Variants in ARID4B observed in about 807,000 individuals in gnomAD.
The protein encoded by ARID4B is AT-rich interactive domain-containing protein 4B.
Under a neutral mutation model 147.5 loss-of-function variants are expected in ARID4B, and 26 were observed. That is an observed-to-expected ratio of 0.18 (90% CI 0.13 to 0.24). The LOEUF (loss-of-function observed/expected upper bound fraction) is 0.24. Ranked by LOEUF, ARID4B falls within the 10% of genes least tolerant of loss-of-function variation. The probability of loss-of-function intolerance (pLI) is 1.00; values close to 1 mark genes in which losing one functional copy is unlikely to be tolerated. For missense variants in ARID4B, 1,179 were observed against 1,511.5 expected (o/e 0.78, Z 3.65); for synonymous variants, 512 against 507.9 (o/e 1.01, Z -0.11).
At chr1:235,254,717 T>C (rs1355741143) in intron 5 of ARID4B, among the ~76,000 whole-genome samples, 4 of 151,218 alleles carry the variant, frequency 2.6e-5, no homozygotes, top group Non-Finnish European at 4.4e-5. Context: ...CCAAAACTAA[T>C]AAGAAAAAGA....
intron 12 of ARID4B, among the ~76,000 whole-genome samples, chr1:235,223,677 A>G (rs1222932235): frequency 8.3e-6 from 1 of 120,802 alleles, no homozygotes; most frequent in African/African-American, 2.9e-5. Context: ...ATTCTATAGT[A>G]AAGCTACATT....
chr1:235,279,422 T>C (rs894730274), intron 2 of ARID4B, among the ~76,000 whole-genome samples: 2 of 152,084 alleles, frequency 1.3e-5, no homozygotes, highest in Non-Finnish European at 2.9e-5. Context: ...ATAGTGATAA[T>C]GAAAACAATG....
chr1:235,325,510 T>C (rs1572250130), intron 2 of ARID4B, among the ~76,000 whole-genome samples: 1 of 152,354 alleles, frequency 6.6e-6, no homozygotes, highest in South Asian at 2.1e-4. Context: ...ACATTACATT[T>C]ACTCCAAACT....
chr1:235,284,253 G>A (rs542232245), intron 2 of ARID4B, among the ~76,000 whole-genome samples: 5 of 152,232 alleles, frequency 3.3e-5, no homozygotes, highest in East Asian at 3.9e-4. Flanking sequence ...TCAGCTATTC[G>A]GGAGGCTGAG....
intron 2 of ARID4B, among the ~76,000 whole-genome samples, chr1:235,309,745 G>A (rs1484264616): frequency 6.6e-6 from 1 of 152,104 alleles, no homozygotes; most frequent in Non-Finnish European, 1.5e-5. Flanking sequence ...GGGAAAGGTG[G>A]GGAAAAGATT....
chr1:235,307,107 G>C (rs548160936), intron 2 of ARID4B, among the ~76,000 whole-genome samples: 1 of 152,284 alleles, frequency 6.6e-6, no homozygotes, highest in South Asian at 2.1e-4. Context: ...TATAATGGGG[G>C]AAGGGGGAAT....
intron 2 of ARID4B, among the ~76,000 whole-genome samples, chr1:235,261,017 C>G (rs1321674058): frequency 6.6e-6 from 1 of 152,148 alleles, no homozygotes; most frequent in Admixed American, 6.5e-5. Flanking sequence ...TTAGCTCACT[C>G]ACAAGTATAC....
At chr1:235,223,685 A>ATTTTT (rs58659735) in intron 12 of ARID4B, among the ~76,000 whole-genome samples, 2 of 134,662 alleles carry the variant, frequency 1.5e-5, no homozygotes, top group Admixed American at 7.9e-5. Flanking sequence ...GTAAAGCTAC[A>ATTTTT]TTTTTTTTTT....
intron 8 of ARID4B, among the ~76,000 whole-genome samples, chr1:235,235,969 C>T (rs1432285440): frequency 6.8e-6 from 1 of 147,600 alleles, no homozygotes; most frequent in African/African-American, 2.5e-5. Context: ...GAGACAAGGT[C>T]TCACTCTGTG....
At chr1:235,230,494 G>A (rs1353653939) in intron 10 of ARID4B, among the ~76,000 whole-genome samples, 1 of 143,448 alleles carries the variant, frequency 7.0e-6, no homozygotes, top group Non-Finnish European at 1.5e-5. Context: ...ACCATTCCCA[G>A]AAACTAATAT....
chr1:235,177,666 G>T, intron 21 of ARID4B, 134 bp downstream of exon 21: 3 of 525,612 alleles, frequency 5.7e-6, no homozygotes, highest in South Asian at 3.5e-5. Context: ...TACAGAATTT[G>T]TGTGACTTTT....
At chr1:235,229,959 A>G (rs1433366105) in intron 10 of ARID4B, among the ~76,000 whole-genome samples, 2 of 152,240 alleles carry the variant, frequency 1.3e-5, no homozygotes, top group African/African-American at 4.8e-5. Context: ...CAATCTACAT[A>G]GCATATTACT....
At chr1:235,309,945 A>G (rs2103273477) in intron 2 of ARID4B, among the ~76,000 whole-genome samples, 1 of 152,280 alleles carries the variant, frequency 6.6e-6, no homozygotes, top group East Asian at 1.9e-4. Context: ...AGGGAGGTGC[A>G]AGATGTGCTT....
intron 2 of ARID4B, among the ~76,000 whole-genome samples, chr1:235,323,652 T>G (rs1675008976): frequency 6.6e-6 from 1 of 151,718 alleles, no homozygotes; most frequent in African/African-American, 2.4e-5. Flanking sequence ...GGCATGATGG[T>G]GCATGCCTAT....
At position 235,257,375 on chromosome 1, in the gene ARID4B, AAATT is replaced by A. The variant is rs1460285993; in HGVS notation, c.118-154_118-151del. The A allele has an allele frequency of 2.0e-5, 11 of 560,652 alleles. No homozygotes were observed. The East Asian group carries it at 2.0e-4, about 10-fold the overall frequency. The allele number at this position is 560,652 out of a possible 1,614,324, so 34.7% of individuals were successfully genotyped here. On this transcript the variant is annotated intron_variant, in intron 3 of 23. Coordinates refer to ENST00000264183, the MANE Select transcript of ARID4B (RefSeq NM_016374.6). ...CCAATCCCTAAGTAGATTAACTAAA[AAATT>A]ATTTACAGACAACTGCTCAGACCGT...
intron 2 of ARID4B, among the ~76,000 whole-genome samples, chr1:235,286,161 A>G (rs1003351876): frequency 2.6e-5 from 4 of 152,086 alleles, no homozygotes; most frequent in South Asian, 2.1e-4. Flanking sequence ...CAGCCTCCCA[A>G]GTAGCTAGAA....
intron 2 of ARID4B, among the ~76,000 whole-genome samples, chr1:235,311,934 C>A (rs1012047834): frequency 5.9e-5 from 9 of 152,072 alleles, no homozygotes; most frequent in Non-Finnish European, 1.0e-4. Flanking sequence ...TAAAATCTTA[C>A]TAAAGCCATC....
At position 235,221,427 on chromosome 1, in the gene ARID4B, A is replaced by G; in HGVS notation, c.1163+138T>C. On this transcript the variant is annotated intron_variant, in intron 14 of 23. Transcript: ENST00000264183. ...AGTATCATAGAATACACTTTAGAAAATACTATCATAGAATGACTACTCTAG... is the reference window on the plus strand; with the variant it reads ...AGTATCATAGAATACACTTTAGAAAGTACTATCATAGAATGACTACTCTAG... 6 of 529,838 alleles carry G rather than the reference A, an allele frequency of 1.1e-5. No homozygotes were observed. The South Asian group carries it at 1.9e-4, about 16-fold the overall frequency. The allele number at this position is 529,838 out of a possible 1,614,324, so 32.8% of individuals were successfully genotyped here.
chr1:235,234,270 A>C (rs549452610), intron 9 of ARID4B, 143 bp downstream of exon 9: 2 of 603,168 alleles, frequency 3.3e-6, no homozygotes, highest in Non-Finnish European at 5.9e-6. Flanking sequence ...TATGAAAAAC[A>C]GTGACTCTTT....
Sources: allele counts gnomAD v4.1 joint callset (sites outside exome capture counted in the v4.1 genomes callset), GRCh38; gene constraint gnomAD v4.1.1; transcripts MANE v1.5; gene names NCBI Gene and HGNC (gene_info 2026-07-23, HGNC 2026-07-21).